The following MCC variants were observed in gnomAD, a reference collection of about 807,000 sequenced individuals.
MCC encodes colorectal mutant cancer protein.
A neutral mutation model predicts 116.2 loss-of-function variants in MCC; 90 were observed. The ratio of observed to expected loss-of-function variants is 0.77; its 90% CI spans 0.65 to 0.92. The LOEUF is 0.92. Ranked by LOEUF, MCC falls within the 40% of genes least tolerant of loss-of-function variation. MCC has a pLI of 0.00. For missense variants in MCC, 1,516 were observed against 1,312.2 expected (o/e 1.16, Z -2.40); for synonymous variants, 578 against 510.5 (o/e 1.13, Z -1.78).
intron 2 of MCC, among the ~76,000 whole-genome samples, chr5:113,364,255 A>C (rs1171549812): frequency 1.8e-4 from 21 of 118,532 alleles, no homozygotes; most frequent in African/African-American, 7.6e-4. Context: ...AAAAAAAAAA[A>C]AAAAACCAGA....
At chr5:113,160,532 TAGTA>T (rs1760425419) in intron 3 of MCC, among the ~76,000 whole-genome samples, 1 of 152,188 alleles carries the variant, frequency 6.6e-6, no homozygotes, top group Non-Finnish European at 1.5e-5. Context: ...CTTGTCAAGC[TAGTA>T]AGTAACAGAG....
intron 2 of MCC, among the ~76,000 whole-genome samples, chr5:113,380,938 T>C (rs1352969913): frequency 2.0e-5 from 3 of 152,162 alleles, no homozygotes; most frequent in Non-Finnish European, 4.4e-5. Flanking sequence ...CACCACATTG[T>C]GGTAAGGAAT....
chr5:113,147,330 G>T (rs1438881543), intron 4 of MCC, among the ~76,000 whole-genome samples: 2 of 152,152 alleles, frequency 1.3e-5, no homozygotes, highest in Non-Finnish European at 2.9e-5. Flanking sequence ...TCTGGCCTGA[G>T]AACTTGAGCC....
At chr5:113,247,814 C>T (rs1013774664) in intron 3 of MCC, among the ~76,000 whole-genome samples, 2 of 152,028 alleles carry the variant, frequency 1.3e-5, no homozygotes, top group Non-Finnish European at 2.9e-5. Context: ...GTCACCATAA[C>T]CAGAGGGAGG....
intron 11 of MCC, among the ~76,000 whole-genome samples, chr5:113,078,085 C>T (rs1158154409): frequency 2.6e-5 from 4 of 152,212 alleles, no homozygotes; most frequent in Non-Finnish European, 5.9e-5. Flanking sequence ...GACACATACA[C>T]CTTCCCAACA....
chr5:113,208,100 GA>G (rs2150322274), intron 3 of MCC, among the ~76,000 whole-genome samples: 1 of 152,168 alleles, frequency 6.6e-6, no homozygotes, highest in Non-Finnish European at 1.5e-5. Flanking sequence ...TCTCTCAACT[GA>G]CCTGGTAGCC....
intron 4 of MCC, among the ~76,000 whole-genome samples, chr5:113,144,296 G>A (rs1025513108): frequency 2.6e-5 from 4 of 152,150 alleles, no homozygotes; most frequent in Admixed American, 6.5e-5. Flanking sequence ...CAGTCACTGT[G>A]CATTTAATCT....
intron 6 of MCC, chr5:113,104,649 G>A: frequency 4.1e-6 from 1 of 243,566 alleles, no homozygotes; most frequent in Non-Finnish European, 7.8e-6. Flanking sequence ...AGAAGAGGCT[G>A]TTGGCACTTC....
At chr5:113,293,573 A>T (rs373828741) in intron 3 of MCC, among the ~76,000 whole-genome samples, 2 of 152,150 alleles carry the variant, frequency 1.3e-5, no homozygotes, top group African/African-American at 4.8e-5. Context: ...TGCCCGAAGC[A>T]TCCCTAAAAT....
chr5:113,173,019 T>C (rs944166504), intron 3 of MCC, among the ~76,000 whole-genome samples: 4 of 152,196 alleles, frequency 2.6e-5, no homozygotes, highest in African/African-American at 9.6e-5. Context: ...GATAGGATGA[T>C]TTTTTAGAGT....
intron 3 of MCC, among the ~76,000 whole-genome samples, chr5:113,159,353 C>G (rs1200496967): frequency 1.3e-5 from 2 of 152,202 alleles, no homozygotes; most frequent in African/African-American, 2.4e-5. Context: ...CTATACAGAA[C>G]TGTTCACCCA....
At chr5:113,402,306 A>AAC (rs902709106) in intron 1 of MCC, among the ~76,000 whole-genome samples, 13 of 143,756 alleles carry the variant, frequency 9.0e-5, no homozygotes, top group African/African-American at 3.3e-4. Flanking sequence ...AAAAAAAAAA[A>AAC]AAAAACACAC....
intron 1 of MCC, among the ~76,000 whole-genome samples, chr5:113,485,228 C>A (rs994571207): frequency 6.6e-6 from 1 of 152,154 alleles, no homozygotes; most frequent in Non-Finnish European, 1.5e-5. Context: ...ATCCTTCCCC[C>A]ACACTTAAGA....
intron 2 of MCC, among the ~76,000 whole-genome samples, chr5:113,349,902 A>G (rs1272385980): frequency 6.6e-6 from 1 of 152,092 alleles, no homozygotes; most frequent in Non-Finnish European, 1.5e-5. Context: ...CCAATAGTGA[A>G]CAATCTGAAT....
chr5:113,116,244 G>A (rs886212202), intron 6 of MCC, among the ~76,000 whole-genome samples: 8 of 152,230 alleles, frequency 5.3e-5, no homozygotes, highest in Non-Finnish European at 1.2e-4. Context: ...GGAGGGGGAA[G>A]ATGTGGTTCT....
At chr5:113,390,661 A>AT (rs1156897464) in intron 1 of MCC, among the ~76,000 whole-genome samples, 1 of 152,210 alleles carries the variant, frequency 6.6e-6, no homozygotes, top group African/African-American at 2.4e-5. Flanking sequence ...GGGATGTATA[A>AT]TGGGAAAGAT....
intron 6 of MCC, among the ~76,000 whole-genome samples, chr5:113,120,169 G>A (rs1428418937): frequency 6.6e-6 from 1 of 152,174 alleles, no homozygotes; most frequent in African/African-American, 2.4e-5. Context: ...TAAGGCAGAA[G>A]ACAGAGTCCT....
At chr5:113,085,988 C>A (rs1755176783) in intron 8 of MCC, among the ~76,000 whole-genome samples, 1 of 152,262 alleles carries the variant, frequency 6.6e-6, no homozygotes, top group Non-Finnish European at 1.5e-5. Flanking sequence ...CTGTGCCAAG[C>A]CACTGGATAA....
intron 1 of MCC, among the ~76,000 whole-genome samples, chr5:113,451,046 AT>A (rs201856832): frequency 1.7e-4 from 26 of 149,576 alleles, no homozygotes; most frequent in East Asian, 1.9e-4. Flanking sequence ...CCACAATTGC[AT>A]TTTTTTTTCT....
Sources: allele counts gnomAD v4.1 joint callset (sites outside exome capture counted in the v4.1 genomes callset), GRCh38; gene constraint gnomAD v4.1.1; transcripts MANE v1.5; gene names NCBI Gene and HGNC (gene_info 2026-07-23, HGNC 2026-07-21).